Variants in MELK observed in about 807,000 individuals in gnomAD.
The protein encoded by MELK is maternal embryonic leucine zipper kinase, also known as pEg3 kinase.
MELK carries 81 observed loss-of-function variants against 85.0 expected under a neutral mutation model. The ratio of observed to expected loss-of-function variants is 0.95; its 90% confidence interval spans 0.80 to 1.15. The LOEUF is 1.15. MELK is among the 50% of genes most tolerant of loss of function. The pLI, the probability that MELK is intolerant of heterozygous loss-of-function variation, is 0.00. For missense variants in MELK, 754 were observed against 777.5 expected (o/e 0.97, Z 0.36); for synonymous variants, 252 against 265.0 (o/e 0.95, Z 0.48).
In MELK at chr9:36,608,277, CAAAAAAA is replaced by C. The variant is rs1161984583; in HGVS notation, c.666+624_666+630del. Among the ~76,000 whole-genome samples, 175 of 38,914 alleles carry C rather than the reference CAAAAAAA, an allele frequency of 4.5e-3. 6 individuals are homozygous for C. In the East Asian group the frequency reaches 0.12, roughly 27 times the overall value. 25.5% of individuals were successfully genotyped at this position (38,914 alleles called of 152,430 possible). On this transcript the variant is annotated intron_variant, in intron 8 of 17. Transcript: ENST00000298048. Reference sequence around the variant, plus strand: ...TGGGCGACAGAGCAAGACTCTGTCTCAAAAAAAAAAAAAAAAAAAAAAAAAAGGCACA... The same window carrying C: ...TGGGCGACAGAGCAAGACTCTGTCTCAAAAAAAAAAAAAAAAAAAGGCACA...
At chr9:36,611,793 A>G (rs1826084469) in intron 8 of MELK, among the ~76,000 whole-genome samples, 1 of 147,948 alleles carries the variant, frequency 6.8e-6, no homozygotes, top group East Asian at 2.0e-4. Context: ...TATTATTTTG[A>G]GATGGCGTCT....
At chr9:36,590,252 T>C (rs1823405134) in intron 4 of MELK, among the ~76,000 whole-genome samples, 1 of 152,112 alleles carries the variant, frequency 6.6e-6, no homozygotes, top group South Asian at 2.1e-4. Context: ...ATTAATTTCC[T>C]AGGGCTGTTG....
chr9:36,598,160 T>C (rs1824496018), intron 6 of MELK, among the ~76,000 whole-genome samples: 1 of 152,134 alleles, frequency 6.6e-6, no homozygotes, highest in South Asian at 2.1e-4. Flanking sequence ...GAACCTTTTT[T>C]CTGGGAACCA....
Position 36,649,267 on chromosome 9 carries a change from A to G in MELK, c.922-2479A>G, listed in dbSNP as rs146665251. 7.9e-5 allele frequency among the ~76,000 whole-genome samples: 12 copies of G among 152,254 alleles called. No homozygotes were observed. The East Asian group carries it at 2.3e-3, about 29-fold the overall frequency. On this transcript the variant is annotated intron_variant, in intron 11 of 17. Coordinates refer to ENST00000298048, the MANE Select transcript of MELK (RefSeq NM_014791.4). ...TTTGGGAGGCCAGCGCGGGCAGATC[A>G]TGAGGTCAGGAGATCGAGACCATCC...
Position 36,580,723 on chromosome 9 carries a change from T to C in MELK, c.-38-921T>C, listed in dbSNP as rs574938180. ...TTTTTGTTGGCCATTTGTGTTTCTT[T>C]GAGAAATTTTTTTTTTTTTTTTTGA... On this transcript the variant is annotated intron_variant, in intron 1 of 17. Transcript: ENST00000298048. Among the ~76,000 whole-genome samples the C allele has an allele frequency of 1.3e-4, 19 of 151,036 alleles. 1 individual carries two copies. The South Asian group carries it at 3.8e-3, about 30-fold the overall frequency.
chr9:36,660,047 C>T (rs575598806), intron 13 of MELK, among the ~76,000 whole-genome samples: 8 of 152,214 alleles, frequency 5.3e-5, no homozygotes, highest in Non-Finnish European at 8.8e-5. Context: ...GATCCACCTG[C>T]CTCAGCCTCC....
intron 9 of MELK, among the ~76,000 whole-genome samples, chr9:36,631,343 C>T (rs572291003): frequency 5.9e-5 from 9 of 151,940 alleles, no homozygotes; most frequent in South Asian, 2.1e-4. Flanking sequence ...CCACAACCTC[C>T]GCTTCCTGGG....
chr9:36,669,413 G>T lies in MELK; in HGVS notation c.1505+7G>T. ...TCATTAGCCCTGAGAGGCGGTAAGT[G>T]TTTGGTTTTTTTAGACTCTAATCTT... On this transcript the variant is annotated splice_region_variant and intron_variant, in intron 15 of 17. Transcript: ENST00000298048. The T allele has an allele frequency of 6.3e-7, 1 of 1,580,476 alleles. No individual in the cohort carries two copies. The highest frequency in any genetic ancestry group is 8.6e-7 in the Non-Finnish European group (1 of 1,164,814).
chr9:36,609,487 A>T (rs1825886974), intron 8 of MELK, among the ~76,000 whole-genome samples: 1 of 139,558 alleles, frequency 7.2e-6, no homozygotes, highest in Non-Finnish European at 1.5e-5. Context: ...TTGCTGTGTC[A>T]CCCAGGCTGA....
At chr9:36,611,854 C>A (rs1248027282) in intron 8 of MELK, among the ~76,000 whole-genome samples, 1 of 151,382 alleles carries the variant, frequency 6.6e-6, no homozygotes, top group African/African-American at 2.4e-5. Context: ...CTCACTGCAC[C>A]CTCCACCTCC....
intron 3 of MELK, among the ~76,000 whole-genome samples, chr9:36,587,506 G>A (rs866092283): frequency 4.0e-5 from 6 of 150,412 alleles, no homozygotes; most frequent in African/African-American, 1.5e-4. Flanking sequence ...TAGTAGAGAC[G>A]GGATTTTACC....
At chr9:36,640,513 C>G (rs1829661052) in intron 10 of MELK, among the ~76,000 whole-genome samples, 2 of 152,174 alleles carry the variant, frequency 1.3e-5, no homozygotes, top group Admixed American at 6.5e-5. Flanking sequence ...GTGGCTTGAT[C>G]ATACCTCACT....
At chr9:36,614,131 C>G (rs923896240) in intron 8 of MELK, among the ~76,000 whole-genome samples, 1 of 151,196 alleles carries the variant, frequency 6.6e-6, no homozygotes, top group African/African-American at 2.4e-5. Flanking sequence ...GAGTCTCGCC[C>G]TGTCGTCCAG....
intron 14 of MELK, among the ~76,000 whole-genome samples, chr9:36,666,725 G>A (rs534401233): frequency 1.3e-5 from 2 of 152,148 alleles, no homozygotes; most frequent in Non-Finnish European, 1.5e-5. Flanking sequence ...AAGATATTAC[G>A]GAAGACTTTG....
chr9:36,626,305 A>G (rs1480202991), intron 8 of MELK, among the ~76,000 whole-genome samples: 2 of 152,162 alleles, frequency 1.3e-5, no homozygotes, highest in African/African-American at 4.8e-5. Context: ...GAAAGCACAA[A>G]CAATTTCTTT....
intron 17 of MELK, among the ~76,000 whole-genome samples, chr9:36,676,211 AAGTT>A (rs1483237997): frequency 6.6e-6 from 1 of 152,242 alleles, no homozygotes; most frequent in African/African-American, 2.4e-5. Context: ...ACACATGACT[AAGTT>A]AGTAAGAAAA....
intron 11 of MELK, among the ~76,000 whole-genome samples, chr9:36,648,956 A>G (rs1830455212): frequency 1.3e-5 from 2 of 152,174 alleles, no homozygotes; most frequent in African/African-American, 4.8e-5. Flanking sequence ...GGAAAGAAGA[A>G]AAAGTAGATA....
chr9:36,617,969 TA>T (rs951076426), intron 8 of MELK, among the ~76,000 whole-genome samples: 3 of 148,762 alleles, frequency 2.0e-5, no homozygotes, highest in Non-Finnish European at 1.5e-5. Flanking sequence ...CTACAAAAAA[TA>T]AAAAAAAAAT....
At chr9:36,619,491 A>T (rs1271497386) in intron 8 of MELK, among the ~76,000 whole-genome samples, 1 of 152,220 alleles carries the variant, frequency 6.6e-6, no homozygotes, top group Non-Finnish European at 1.5e-5. Context: ...ATGAGATACT[A>T]TGCCATAAAG....
Sources: gnomAD v4.1 joint callset for allele counts (sites outside exome capture counted in the v4.1 genomes callset) on GRCh38, gnomAD v4.1.1 for gene constraint, MANE v1.5 for transcripts, NCBI Gene and HGNC (gene_info 2026-07-23, HGNC 2026-07-21) for gene names.